ZNRF3: variants seen among roughly 807,000 people sequenced by gnomAD.
ZNRF3 encodes zinc and ring finger 3.
Under a neutral mutation model 72.5 loss-of-function variants are expected in ZNRF3, and 23 were observed. That is an observed-to-expected ratio of 0.32 (90% confidence interval 0.23 to 0.45). The LOEUF is 0.45. Among genes scored for constraint, ZNRF3 ranks in the 20% least tolerant of loss-of-function variants. The pLI is 1.00. For missense variants in ZNRF3, 1,169 were observed against 1,272.1 expected (o/e 0.92, Z 1.23); for synonymous variants, 610 against 545.3 (o/e 1.12, Z -1.65).
chr22:28,928,333 C>G (rs868124859), intron 1 of ZNRF3, among the ~76,000 whole-genome samples: 1 of 151,808 alleles, frequency 6.6e-6, no homozygotes, highest in Non-Finnish European at 1.5e-5. Context: ...CTTTTTAGGC[C>G]AGACTATTTG....
At chr22:28,912,241 G>A (rs1404745719) in intron 1 of ZNRF3, among the ~76,000 whole-genome samples, 2 of 152,216 alleles carry the variant, frequency 1.3e-5, no homozygotes, top group African/African-American at 4.8e-5. Flanking sequence ...ACCAAAGCAC[G>A]TGTCAGCTTT....
chr22:29,035,567 A>G (rs184033270), intron 2 of ZNRF3, among the ~76,000 whole-genome samples: 57 of 152,188 alleles, frequency 3.7e-4, no homozygotes, highest in African/African-American at 1.3e-3. Context: ...TGTCCAGTCT[A>G]TTTATTTTAA....
At chr22:28,985,338 C>T (rs1460643586) in intron 1 of ZNRF3, among the ~76,000 whole-genome samples, 16 of 152,018 alleles carry the variant, frequency 1.1e-4, no homozygotes, top group Admixed American at 1.0e-3. Context: ...TCCTTTTCTC[C>T]CCTCTATATC....
chr22:29,023,886 A>G (rs2036579530), intron 2 of ZNRF3, among the ~76,000 whole-genome samples: 2 of 152,188 alleles, frequency 1.3e-5, no homozygotes, highest in South Asian at 4.1e-4. Context: ...CAATGTCGGC[A>G]TATTCTACAA....
chr22:28,912,735 G>A (rs901220666), intron 1 of ZNRF3, among the ~76,000 whole-genome samples: 7 of 146,488 alleles, frequency 4.8e-5, no homozygotes, highest in African/African-American at 1.5e-4. Flanking sequence ...TTCAATCTCA[G>A]CTCACTGCAA....
At chr22:28,908,675 G>A (rs1158745312) in intron 1 of ZNRF3, among the ~76,000 whole-genome samples, 1 of 152,174 alleles carries the variant, frequency 6.6e-6, no homozygotes, top group East Asian at 1.9e-4. Context: ...TTTAGACTTA[G>A]CCGGATTGCT....
chr22:29,051,779 C>T (rs57164857), intron 8 of ZNRF3, among the ~76,000 whole-genome samples: 1,806 of 151,434 alleles, frequency 0.012, 44 homozygotes, highest in African/African-American at 0.042. Flanking sequence ...GTAGCGGGCA[C>T]CTGTAATCCT....
intron 2 of ZNRF3, among the ~76,000 whole-genome samples, chr22:29,029,084 T>G (rs922104701): frequency 6.6e-6 from 1 of 152,186 alleles, no homozygotes; most frequent in Admixed American, 6.5e-5. Context: ...CCTAGGGTGT[T>G]CACCTGCCTG....
At chr22:29,041,498 C>T (rs1197515106) in intron 2 of ZNRF3, among the ~76,000 whole-genome samples, 5 of 152,148 alleles carry the variant, frequency 3.3e-5, no homozygotes, top group East Asian at 1.9e-4. Context: ...CAAAAAGAAT[C>T]CCGTCACTTC....
intron 2 of ZNRF3, among the ~76,000 whole-genome samples, chr22:29,007,650 A>G (rs2036279228): frequency 6.6e-6 from 1 of 151,406 alleles, no homozygotes; most frequent in South Asian, 2.1e-4. Context: ...TCTCTCCTAT[A>G]GCTTTTAATT....
intron 1 of ZNRF3, among the ~76,000 whole-genome samples, chr22:28,975,239 C>T (rs562367420): frequency 7.2e-5 from 11 of 152,048 alleles, no homozygotes; most frequent in East Asian, 3.9e-4. Flanking sequence ...CGCAGTGGCT[C>T]ACGCCTGTAA....
rs779362085 is a variant in ZNRF3 at position 29,049,689 on chromosome 22, G to A, written c.1508G>A (p.Gly503Asp). 1.9e-6 allele frequency: 3 copies of A among 1,606,754 alleles called. No homozygotes were observed. Among genetic ancestry groups the A allele is most frequent in the African/African-American group, 1.3e-5 (1 of 75,010 alleles). The change falls in exon 8 of 9, where the codon GGC becomes GAC. Residue 503 changes from glycine (G) to aspartate (D), a missense_variant. This residue lies in a region of ZNRF3 where 783 missense variants were observed against 731.4 expected (regional missense o/e 1.07). Coordinates refer to ENST00000544604, the MANE Select transcript of ZNRF3 (RefSeq NM_001206998.2). The surrounding 1 kb of genome is among the most constrained non-coding windows in gnomAD (Gnocchi z 5.2). ...CCGGCCCGTGCCTTTCCTCCGAGCGGCAGTGGCAGCCTGCTCTTCCCCACC... is the reference window on the plus strand; with the variant it reads ...CCGGCCCGTGCCTTTCCTCCGAGCGACAGTGGCAGCCTGCTCTTCCCCACC... ...RGPARAFPPS[G>D]SGSLLFPTVV...
chr22:28,891,251 C>T lies in ZNRF3; in HGVS notation c.300+7185C>T, dbSNP rs1266445595. Reference sequence around the variant, plus strand: ...GATGACCCAGGATTAATATTTGGGTCCCCTGACTCCCAGGCTTGGAGCCCT... The same window carrying T: ...GATGACCCAGGATTAATATTTGGGTTCCCTGACTCCCAGGCTTGGAGCCCT... On this transcript the variant is annotated intron_variant, in intron 1 of 8. Coordinates refer to ENST00000544604, the MANE Select transcript of ZNRF3 (RefSeq NM_001206998.2). 5.9e-5 allele frequency among the ~76,000 whole-genome samples: 9 copies of T among 152,308 alleles called. No individual in the cohort carries two copies. The East Asian group carries it at 1.5e-3, about 26-fold the overall frequency.
chr22:28,904,883 T>A (rs1353238931), intron 1 of ZNRF3, among the ~76,000 whole-genome samples: 1 of 151,996 alleles, frequency 6.6e-6, no homozygotes, highest in East Asian at 1.9e-4. Context: ...ATCTGTTCTT[T>A]GGCTGACCTG....
intron 2 of ZNRF3, among the ~76,000 whole-genome samples, chr22:28,991,841 T>C (rs933117175): frequency 1.6e-4 from 24 of 152,136 alleles, no homozygotes; most frequent in African/African-American, 5.1e-4. Flanking sequence ...CCAGTTTTTC[T>C]AGATAAAAAT....
At chr22:28,922,977 G>A (rs2034536228) in intron 1 of ZNRF3, among the ~76,000 whole-genome samples, 1 of 152,124 alleles carries the variant, frequency 6.6e-6, no homozygotes, top group African/African-American at 2.4e-5. Context: ...CTTATCCAAG[G>A]CTGTACATCC....
intron 1 of ZNRF3, among the ~76,000 whole-genome samples, chr22:28,921,161 A>C (rs2034505031): frequency 6.6e-6 from 1 of 152,186 alleles, no homozygotes; most frequent in Non-Finnish European, 1.5e-5. Flanking sequence ...TAGCATCAGC[A>C]CATGGTTCCC....
intron 1 of ZNRF3, among the ~76,000 whole-genome samples, chr22:28,918,911 T>C (rs469992): frequency 0.6 from 90,491 of 152,032 alleles, 28,535 homozygotes; most frequent in Non-Finnish European, 0.7. Context: ...AAAGTTGGGC[T>C]GGTGGAAATA....
intron 2 of ZNRF3, among the ~76,000 whole-genome samples, chr22:29,037,685 C>T (rs548280269): frequency 1.2e-4 from 18 of 152,280 alleles, no homozygotes; most frequent in Middle Eastern, 3.4e-3. Flanking sequence ...TATCTAGTCT[C>T]GAGTCCAGCA....
Sources: gnomAD v4.1 joint callset for allele counts (sites outside exome capture counted in the v4.1 genomes callset) on GRCh38, gnomAD v4.1.1 for gene constraint, gnomAD v4.1.1 regional missense constraint, Gnocchi (gnomAD v3.1) non-coding constraint, MANE v1.5 for transcripts, NCBI Gene and HGNC (gene_info 2026-07-23, HGNC 2026-07-21) for gene names.